Variants in HDX observed in about 807,000 individuals in gnomAD.
The protein encoded by HDX is chromosome X open reading frame 43.
A neutral mutation model predicts 45.2 loss-of-function variants in HDX; 19 were observed. That is an observed-to-expected ratio of 0.42 (90% CI 0.29 to 0.62). The LOEUF is 0.62. HDX is among the 20% of genes least tolerant of loss of function. The probability of loss-of-function intolerance (pLI) is 0.20; values close to 1 mark genes in which losing one functional copy is unlikely to be tolerated. For missense variants in HDX, 532 were observed against 493.9 expected, an observed-to-expected ratio of 1.08 and a Z score of -0.73; for synonymous variants, 188 against 172.8, an observed-to-expected ratio of 1.09 and a Z score of -0.69.
chrX:84,448,060 G>A, intron 4 of HDX, among the ~76,000 whole-genome samples: 1 of 111,812 alleles, frequency 8.9e-6, no homozygotes, highest in East Asian at 2.8e-4. Context: ...CTAGAGGACA[G>A]GCCTTCCTGG....
chrX:84,440,424 C>G (rs1323120623), intron 5 of HDX, 108 bp downstream of exon 5: 35 of 534,638 alleles, frequency 6.5e-5, no homozygotes, highest in Non-Finnish European at 1.1e-4. Context: ...GTAGTCCTAT[C>G]AAGGTTCAGT....
chrX:84,322,516 C>G (rs1444950409), intron 10 of HDX, among the ~76,000 whole-genome samples: 3 of 110,974 alleles, frequency 2.7e-5, no homozygotes, highest in African/African-American at 6.5e-5. Context: ...TAAATTTTAA[C>G]AACTTGAAAA....
intron 9 of HDX, among the ~76,000 whole-genome samples, chrX:84,331,037 C>T (rs761251916): frequency 1.8e-5 from 2 of 111,384 alleles, no homozygotes; most frequent in East Asian, 2.8e-4. Flanking sequence ...GTTAGTTCTT[C>T]GTCAAGATGA....
intron 5 of HDX, among the ~76,000 whole-genome samples, chrX:84,412,673 C>T (rs1057416162): frequency 9.0e-6 from 1 of 111,287 alleles, no homozygotes. Context: ...TGTATAGTAT[C>T]TCCAAGGGGC....
intron 4 of HDX, among the ~76,000 whole-genome samples, chrX:84,458,300 A>G (rs1002965709): frequency 9.0e-6 from 1 of 111,370 alleles, no homozygotes; most frequent in Non-Finnish European, 1.9e-5. Context: ...AAAATCCACA[A>G]AAAAACCTCT....
At chrX:84,402,012 G>C (rs925572946) in intron 5 of HDX, among the ~76,000 whole-genome samples, 1 of 111,191 alleles carries the variant, frequency 9.0e-6, no homozygotes, top group Non-Finnish European at 1.9e-5. Flanking sequence ...ATGGACACAG[G>C]GATGGGAACA....
intron 2 of HDX, among the ~76,000 whole-genome samples, chrX:84,479,594 T>C (rs1395969402): frequency 8.9e-6 from 1 of 112,010 alleles, no homozygotes; most frequent in Admixed American, 9.5e-5. Context: ...CTGGGTCGTA[T>C]GGTAAGTGTA....
chrX:84,444,733 T>C (rs372980741), intron 4 of HDX, among the ~76,000 whole-genome samples: 2 of 111,654 alleles, frequency 1.8e-5, no homozygotes, highest in East Asian at 5.6e-4. Flanking sequence ...TGGAGTCACA[T>C]CAAATGTATA....
At chrX:84,389,386 T>A (rs774490743) in intron 5 of HDX, among the ~76,000 whole-genome samples, 2 of 111,708 alleles carry the variant, frequency 1.8e-5, no homozygotes, top group East Asian at 5.7e-4. Flanking sequence ...ACCCTACTCC[T>A]GCCCTGACTC....
In HDX at chrX:84,475,376, T is replaced by TA. The variant is rs781688374; in HGVS notation, c.21dup (p.Thr8TyrfsTer13). ...TGTAAAATCCTTTGTTGTTCTACAG[T>TA]AAATACAGAACGTAGATTCATCTAA... is the stretch of plus-strand genomic sequence containing the variant. On this transcript the variant is annotated frameshift_variant, in exon 3 of 11. Coordinates refer to ENST00000373177, the MANE Select transcript of HDX (RefSeq NM_001177479.2). LOFTEE classifies it high-confidence loss of function. 2 of 1,134,612 alleles carry TA rather than the reference T, an allele frequency of 1.8e-6. No individual in the cohort carries two copies. Among genetic ancestry groups the TA allele is most frequent in the Admixed American group, 5.2e-5 (2 of 38,307 alleles). The allele number at this position is 1,134,612 out of a possible 1,213,427, so 93.5% of individuals were successfully genotyped here.
At chrX:84,395,866 T>G (rs2038549870) in intron 5 of HDX, among the ~76,000 whole-genome samples, 1 of 111,918 alleles carries the variant, frequency 8.9e-6, no homozygotes, top group Admixed American at 9.5e-5. Flanking sequence ...TATTAAAACT[T>G]TCCAATATAT....
intron 7 of HDX, among the ~76,000 whole-genome samples, chrX:84,342,334 T>C (rs1489053877): frequency 2.7e-5 from 3 of 111,726 alleles, no homozygotes; most frequent in African/African-American, 9.7e-5. Context: ...ACAGTTCAAA[T>C]TGTATGACTA....
chrX:84,462,496 G>T (rs12007239), intron 4 of HDX, among the ~76,000 whole-genome samples: 5,405 of 110,963 alleles, frequency 0.049, 290 homozygotes, highest in African/African-American at 0.16. Context: ...AGATAAAGAG[G>T]AAAGAGATGA....
intron 5 of HDX, among the ~76,000 whole-genome samples, chrX:84,417,959 T>G (rs757911497): frequency 1.8e-5 from 2 of 112,150 alleles, no homozygotes; most frequent in South Asian, 7.4e-4. Flanking sequence ...GTTTATATCC[T>G]TTGCATTGTG....
intron 5 of HDX, among the ~76,000 whole-genome samples, chrX:84,411,900 C>T (rs1179344700): frequency 1.8e-5 from 2 of 110,931 alleles, no homozygotes; most frequent in Non-Finnish European, 1.9e-5. Context: ...TTACATTGAC[C>T]CTTTACCATT....
rs762610413 is a variant in HDX, at chrX:84,438,188, C to T, written c.1305+2344G>A. On this transcript the variant is annotated intron_variant, in intron 5 of 10. Transcript: ENST00000373177. ...CTGTAGTTCCTCTAATTCCTGGAGTCCCTAATGTGTCATTTTATTCTTTCA... is the reference window on the plus strand; with the variant it reads ...CTGTAGTTCCTCTAATTCCTGGAGTTCCTAATGTGTCATTTTATTCTTTCA... Among the ~76,000 whole-genome samples the T allele has an allele frequency of 3.6e-5, 4 of 110,824 alleles. No individual in the cohort carries two copies. In the South Asian group the frequency reaches 1.5e-3, roughly 43 times the overall value.
rs1602526077 is a variant in HDX, at chrX:84,475,333, C to A, written c.65G>T (p.Gly22Val). ...QRILQRYYEN[G>V]MTNQSKNCFQ... ...GCAATTTTTACTTTGATTTGTCATTCCATTTTCATAATAACGCTGTAAAAT... is the reference window on the plus strand; with the variant it reads ...GCAATTTTTACTTTGATTTGTCATTACATTTTCATAATAACGCTGTAAAAT... The change falls in exon 3 of 11, where the codon GGA becomes GTA. Residue 22 changes from glycine (G) to valine (V), a missense_variant. Gly to Val is a moderately radical substitution (Grantham distance 109). This residue lies in a region of HDX where 376 missense variants were observed against 343.7 expected (regional missense o/e 1.09). Transcript: ENST00000373177. 1.7e-6 allele frequency: 2 copies of A among 1,170,751 alleles called. No homozygotes were observed. Among genetic ancestry groups the A allele is most frequent in the South Asian group, 3.7e-5 (2 of 54,656 alleles).
intron 10 of HDX, among the ~76,000 whole-genome samples, chrX:84,325,234 C>T (rs962956425): frequency 5.4e-5 from 6 of 111,043 alleles, no homozygotes; most frequent in Non-Finnish European, 1.1e-4. Context: ...AATGTTATGG[C>T]TTTAATCTTT....
intron 4 of HDX, among the ~76,000 whole-genome samples, chrX:84,467,623 CAAAAA>C (rs576047136): frequency 1.5e-5 from 1 of 64,620 alleles, no homozygotes. Context: ...AAGACTCCGT[CAAAAA>C]AAAAAAAAAA....
Sources: gnomAD v4.1 joint callset for allele counts (sites outside exome capture counted in the v4.1 genomes callset) on GRCh38, gnomAD v4.1.1 for gene constraint, gnomAD v4.1.1 regional missense constraint, MANE v1.5 for transcripts, NCBI Gene and HGNC (gene_info 2026-07-23, HGNC 2026-07-21) for gene names.